LETM1: variants seen among roughly 807,000 people sequenced by gnomAD.
LETM1 encodes the protein leucine zipper and EF-hand containing transmembrane protein 1, also known as mitochondrial proton/calcium exchanger protein.
In LETM1, 50 loss-of-function variants were observed where a neutral mutation model predicts 74.5. The ratio of observed to expected loss-of-function variants is 0.67; its 90% CI spans 0.53 to 0.85. The LOEUF is 0.85. LETM1 is among the 40% of genes least tolerant of loss of function. The pLI, the probability that LETM1 is intolerant of heterozygous loss-of-function variation, is 0.00. For missense variants in LETM1, 824 were observed against 967.8 expected, an observed-to-expected ratio of 0.85 and a Z score of 1.97; for synonymous variants, 446 against 407.1, an observed-to-expected ratio of 1.10 and a Z score of -1.15.
At position 1,836,005 on chromosome 4, in the gene LETM1, C is replaced by A. The variant is rs2108848316; in HGVS notation, c.738+424G>T. Among the ~76,000 whole-genome samples the A allele has an allele frequency of 6.6e-6, 1 of 152,230 alleles. No individual in the cohort carries two copies. The highest frequency in any genetic ancestry group is 2.4e-5 in the African/African-American group (1 of 41,536). ...CAAGAGGATCACTTAAGTCCAGGAA[C>A]TTGAGGCTGCAGTGAGCCGTGATCG... On this transcript the variant is annotated intron_variant, in intron 4 of 13. Coordinates refer to ENST00000302787, the MANE Select transcript of LETM1 (RefSeq NM_012318.3). This position sits in a 1 kb window ranked among gnomAD's most constrained non-coding sequence, Gnocchi z 5.8.
chr4:1,853,314 A>T (rs1713132355), intron 1 of LETM1, among the ~76,000 whole-genome samples: 1 of 152,242 alleles, frequency 6.6e-6, no homozygotes, highest in Non-Finnish European at 1.5e-5. Flanking sequence ...CAAAAAGGAC[A>T]AATGGGGAGG....
chr4:1,833,758 G>A (rs1481533989), intron 5 of LETM1: 1 of 152,362 alleles, frequency 6.6e-6, no homozygotes, highest in Non-Finnish European at 1.5e-5. Flanking sequence ...GATGAGGGAG[G>A]ACGAGGCTGA....
Position 1,834,109 on chromosome 4 carries a change from G to A in LETM1, c.876+736C>T, listed in dbSNP as rs1167756374. On this transcript the variant is annotated intron_variant, in intron 5 of 13. Transcript: ENST00000302787. This position sits in a 1 kb window ranked among gnomAD's most constrained non-coding sequence, Gnocchi z 5.0. ...CAGCCTGGCAGTCTTTTCTGTCAAG[G>A]GCCAGACAGCAAGTATTTCTGGCTT... 1 of 152,568 alleles carries A rather than the reference G, an allele frequency of 6.6e-6. No individual in the cohort carries two copies. The highest frequency in any genetic ancestry group is 1.5e-5 in the Non-Finnish European group (1 of 68,328). The allele number at this position is 152,568 out of a possible 1,614,324, so 9.5% of individuals were successfully genotyped here.
chr4:1,814,409 C>T lies in LETM1; in HGVS notation c.*15G>A. The T allele has an allele frequency of 6.2e-7, 1 of 1,614,238 alleles. No homozygotes were observed. The highest frequency in any genetic ancestry group is 8.5e-7 in the Non-Finnish European group (1 of 1,180,012). On this transcript the variant is annotated 3_prime_UTR_variant, in exon 14 of 14. Transcript: ENST00000302787. ...TGACGGCACAGCAGGAGGACAGGTGCCCAGGCCAGTGGTTCTAGCTCTTCA... is the reference window on the plus strand; with the variant it reads ...TGACGGCACAGCAGGAGGACAGGTGTCCAGGCCAGTGGTTCTAGCTCTTCA...
In LETM1 at chr4:1,841,389, G is replaced by A. The variant is rs777240576; in HGVS notation, c.552C>T (p.Arg184=). The A allele has an allele frequency of 8.7e-6, 14 of 1,614,034 alleles. No individual in the cohort carries two copies. The highest frequency in any genetic ancestry group is 1.7e-5 in the Admixed American group (1 of 60,036). Residue 184 remains arginine (R), a synonymous_variant, in exon 3 of 14, where the codon CGC becomes CGT. Transcript: ENST00000302787. ...GGGTCAGGCTGTGGCCGTTGAGGAT[G>A]CGCCAGAGCATGCGTGCCGCGATCT... ...DTKIAARMLW[R]ILNGHSLTRR... is the part of the protein sequence containing the mutation.
chr4:1,850,737 G>T (rs1713042736), intron 1 of LETM1, among the ~76,000 whole-genome samples: 1 of 151,806 alleles, frequency 6.6e-6, no homozygotes, highest in Admixed American at 6.6e-5. Context: ...GGCTGAGGCG[G>T]GTGGATCACC....
intron 8 of LETM1, 149 bp from the exon 9 acceptor site, chr4:1,823,280 C>T (rs1008073431): frequency 3.4e-5 from 39 of 1,137,378 alleles, no homozygotes; most frequent in Non-Finnish European, 3.3e-5. Flanking sequence ...AGGTGCTGCC[C>T]GCAATTGCTG....
At chr4:1,840,331 T>C (rs1229692952) in intron 3 of LETM1, among the ~76,000 whole-genome samples, 4 of 151,604 alleles carry the variant, frequency 2.6e-5, no homozygotes, top group African/African-American at 9.7e-5. Context: ...GAGCCGAGAT[T>C]GTGCCACTGC....
chr4:1,856,076 C>T lies in LETM1; in HGVS notation c.-126G>A. 1 of 505,496 alleles carries T rather than the reference C, an allele frequency of 2.0e-6. No individual in the cohort carries two copies. Among genetic ancestry groups the T allele is most frequent in the Non-Finnish European group, 3.0e-6 (1 of 338,524 alleles). 31.3% of individuals were successfully genotyped at this position (505,496 alleles called of 1,614,324 possible). A position where few individuals can be genotyped will look rare whatever the true frequency, so the allele number is the denominator to read the frequency against. ...GCGGACGGCTGACAGAGGCGGCTGG[C>T]CTCGGACGGGAGGCGCTCTCCTCAA... On this transcript the variant is annotated 5_prime_UTR_variant, in exon 1 of 14. Coordinates refer to ENST00000302787, the MANE Select transcript of LETM1 (RefSeq NM_012318.3).
chr4:1,841,630 G>C lies in LETM1; in HGVS notation c.311C>G (p.Pro104Arg). The change falls in exon 3 of 14, where the codon CCT (proline) becomes CGT (arginine). Residue 104 changes from proline to arginine, a missense_variant. Around this residue, in one of 4 missense-constraint regions of LETM1, gnomAD observed 222 missense variants for 195.6 expected, o/e 1.14. Coordinates refer to ENST00000302787, the MANE Select transcript of LETM1 (RefSeq NM_012318.3). ...GCGCGAAGAGTGCCAGCCACGCACA[G>C]GAAGGCACTGAGGTCCCACAGCCAC... is the stretch of plus-strand genomic sequence containing the variant. ...GFVAVGPQCL[P>R]VRGWHSSRPV... The C allele has an allele frequency of 1.2e-6, 2 of 1,614,228 alleles. No homozygotes were observed. The highest frequency in any genetic ancestry group is 1.7e-6 in the Non-Finnish European group (2 of 1,180,046).
At chr4:1,828,480 C>T (rs1292893724) in intron 6 of LETM1, among the ~76,000 whole-genome samples, 9 of 100,892 alleles carry the variant, frequency 8.9e-5, no homozygotes, top group Middle Eastern at 7.0e-3. Flanking sequence ...ACCTCCCGGA[C>T]GGGGCGGCTG....
Position 1,832,813 on chromosome 4 carries a change from G to T in LETM1, c.1011C>A (p.Ser337=), listed in dbSNP as rs752879011. 2.5e-6 allele frequency: 4 copies of T among 1,614,080 alleles called. No homozygotes were observed. The highest frequency in any genetic ancestry group is 3.4e-6 in the Non-Finnish European group (4 of 1,180,046). ...AGCGCAGGAAGTTGTTGGTGCCGAT[G>T]GACTGTAGCTCCAGCAGCTTGCACA... ...VALCKLLELQ[S]IGTNNFLRFQ... Residue 337 remains serine, a synonymous_variant, in exon 6 of 14, where the codon TCC becomes TCA. Transcript: ENST00000302787.
intron 3 of LETM1, 56 bp downstream of exon 3, chr4:1,841,291 C>G: frequency 1.3e-6 from 2 of 1,528,072 alleles, no homozygotes; most frequent in Non-Finnish European, 1.8e-6. Flanking sequence ...CCACTGCACT[C>G]CAGCCTGGGT....
intron 5 of LETM1, 126 bp from the exon 6 acceptor site, chr4:1,833,073 CTT>C (rs111298028): frequency 7.4e-4 from 465 of 625,510 alleles, no homozygotes; most frequent in Non-Finnish European, 8.3e-4. Flanking sequence ...ACTACTTCTT[CTT>C]TTTTTTTTTT....
intron 9 of LETM1, 35 bp downstream of exon 9, chr4:1,822,953 A>G (rs1711839060): frequency 7.1e-7 from 1 of 1,405,878 alleles, no homozygotes; most frequent in Non-Finnish European, 9.3e-7. Context: ...GGCTCAGGAC[A>G]GCCCCACGCG....
intron 8 of LETM1, 133 bp downstream of exon 8, chr4:1,823,511 C>T: frequency 9.2e-7 from 1 of 1,089,480 alleles, no homozygotes; most frequent in Non-Finnish European, 1.3e-6. Flanking sequence ...GGTGGGGGCA[C>T]TCGCGAGGGG....
intron 2 of LETM1, chr4:1,843,007 TA>T: frequency 8.3e-6 from 3 of 361,054 alleles, no homozygotes; most frequent in Admixed American, 3.2e-5. Flanking sequence ...CGAGCTCACC[TA>T]AAAGGCCATG....
chr4:1,815,867 A>G (rs895917155), intron 12 of LETM1, 65 bp from the exon 13 acceptor site: 1 of 1,586,978 alleles, frequency 6.3e-7, no homozygotes, highest in African/African-American at 1.3e-5. Flanking sequence ...CTCACTGCCC[A>G]CACCTGTGGC....
chr4:1,833,245 A>T, intron 5 of LETM1: 1 of 380,882 alleles, frequency 2.6e-6, no homozygotes, highest in Admixed American at 3.9e-5. Flanking sequence ...TAATTTTTGT[A>T]TTTTAGTAGA....
Sources: allele counts gnomAD v4.1 joint callset (sites outside exome capture counted in the v4.1 genomes callset), GRCh38; gene constraint gnomAD v4.1.1; regional missense constraint gnomAD v4.1.1; non-coding constraint Gnocchi (gnomAD v3.1); transcripts MANE v1.5; gene names NCBI Gene and HGNC (gene_info 2026-07-23, HGNC 2026-07-21).